The following CDK8 variants were observed in gnomAD, a reference collection of about 807,000 sequenced individuals.
CDK8 encodes cyclin-dependent kinase 8.
CDK8 carries 29 observed loss-of-function variants against 71.5 expected under a neutral mutation model. The observed-to-expected ratio is 0.41, with a 90% CI of 0.30 to 0.55. The LOEUF is 0.55. Ranked by LOEUF, CDK8 falls within the 20% of genes least tolerant of loss-of-function variation. The probability of loss-of-function intolerance (pLI) is 0.37; values close to 1 mark genes in which losing one functional copy is unlikely to be tolerated. For missense variants in CDK8, 288 were observed against 572.6 expected, an observed-to-expected ratio of 0.50 and a Z score of 5.07; for synonymous variants, 161 against 192.1, an observed-to-expected ratio of 0.84 and a Z score of 1.34.
intron 4 of CDK8, among the ~76,000 whole-genome samples, chr13:26,367,439 A>G (rs1017743289): frequency 2.0e-5 from 3 of 152,062 alleles, no homozygotes; most frequent in Non-Finnish European, 4.4e-5. Flanking sequence ...CCCCTGTTAT[A>G]GTGGACCTGA....
At chr13:26,383,726 A>G (rs1470566616) in intron 5 of CDK8, among the ~76,000 whole-genome samples, 1 of 152,190 alleles carries the variant, frequency 6.6e-6, no homozygotes, top group East Asian at 1.9e-4. Flanking sequence ...CTTAATCCTA[A>G]TATTCTTCCT....
chr13:26,401,327 C>T lies in CDK8; in HGVS notation c.1090C>T (p.Pro364Ser). Reference sequence around the variant, plus strand: ...ACGAGAATTTTTAACGGAAGAAGAACCTGATGACAAAGGAGACAAAGTAAG... The same window carrying T: ...ACGAGAATTTTTAACGGAAGAAGAATCTGATGACAAAGGAGACAAAGTAAG... ...PKREFLTEEE[P>S]DDKGDKKNQQ... The change falls in exon 11 of 13, where the codon CCT becomes TCT. Residue 364 changes from proline (P) to serine (S), a missense_variant. Pro to Ser is a moderately conservative substitution (Grantham distance 74, BLOSUM62 -1). This residue lies in a region of CDK8 where 96 missense variants were observed against 229.8 expected (regional missense o/e 0.42). Transcript: ENST00000381527. This position sits in a 1 kb window ranked among gnomAD's most constrained non-coding sequence, Gnocchi z 4.5. 6.2e-7 allele frequency: 1 copy of T among 1,614,054 alleles called. No homozygotes were observed. Among genetic ancestry groups the T allele is most frequent in the Non-Finnish European group, 8.5e-7 (1 of 1,179,946 alleles).
rs793111 is a variant in CDK8 at position 26,293,329 on chromosome 13, A to G, written c.128+38560A>G. 4.0e-3 allele frequency among the ~76,000 whole-genome samples: 611 copies of G among 152,164 alleles called. 5 individuals are homozygous for G. The highest frequency in any genetic ancestry group is 0.013 in the African/African-American group (560 of 41,486). On this transcript the variant is annotated intron_variant, in intron 1 of 12. Transcript: ENST00000381527. ...TAAAAATTGTGTATATTGGCTGGGC[A>G]TGGTGGCTCACGCCTGTAATCGGAG...
At chr13:26,304,379 A>T (rs1052127449) in intron 1 of CDK8, among the ~76,000 whole-genome samples, 6 of 152,014 alleles carry the variant, frequency 3.9e-5, no homozygotes, top group African/African-American at 1.4e-4. Context: ...CTAGTATTTC[A>T]TTTAAATCTT....
At chr13:26,298,830 TTGAC>T (rs1429427369) in intron 1 of CDK8, among the ~76,000 whole-genome samples, 1 of 152,200 alleles carries the variant, frequency 6.6e-6, no homozygotes, top group African/African-American at 2.4e-5. Context: ...GTTAATAGAC[TTGAC>T]TGACCAATTT....
intron 2 of CDK8, among the ~76,000 whole-genome samples, chr13:26,341,704 TATTA>T (rs1278802905): frequency 6.6e-6 from 1 of 152,224 alleles, no homozygotes; most frequent in Non-Finnish European, 1.5e-5. Context: ...CAGTTTGAAG[TATTA>T]ATTTATTTTT....
intron 4 of CDK8, among the ~76,000 whole-genome samples, chr13:26,370,377 T>C (rs1057168281): frequency 2.0e-5 from 3 of 152,284 alleles, no homozygotes; most frequent in South Asian, 2.1e-4. Context: ...ATCTTATTAA[T>C]AGTGCAGAGT....
At chr13:26,366,785 G>A (rs1874408203) in intron 4 of CDK8, among the ~76,000 whole-genome samples, 1 of 152,158 alleles carries the variant, frequency 6.6e-6, no homozygotes. Flanking sequence ...AAACATAGAA[G>A]TTGGGAAGAT....
chr13:26,294,003 T>C (rs561366744), intron 1 of CDK8, among the ~76,000 whole-genome samples: 1 of 152,222 alleles, frequency 6.6e-6, no homozygotes, highest in African/African-American at 2.4e-5. Context: ...ATTCTACATA[T>C]AAGTGAGATC....
chr13:26,275,062 G>A (rs542596048), intron 1 of CDK8, among the ~76,000 whole-genome samples: 6 of 151,992 alleles, frequency 3.9e-5, no homozygotes, highest in East Asian at 1.9e-4. Flanking sequence ...CAATTGATTC[G>A]AAATGCTGCT....
intron 4 of CDK8, among the ~76,000 whole-genome samples, chr13:26,355,535 A>G (rs1873857719): frequency 6.6e-6 from 1 of 152,150 alleles, no homozygotes; most frequent in African/African-American, 2.4e-5. Flanking sequence ...AATTACTTGA[A>G]CGCAGGAAGC....
At chr13:26,341,724 A>T (rs1413936811) in intron 2 of CDK8, among the ~76,000 whole-genome samples, 1 of 152,086 alleles carries the variant, frequency 6.6e-6, no homozygotes, top group East Asian at 1.9e-4. Flanking sequence ...TTTTTTATAT[A>T]TTTGTACTAT....
At chr13:26,289,460 T>TA (rs1873194263) in intron 1 of CDK8, among the ~76,000 whole-genome samples, 1 of 152,236 alleles carries the variant, frequency 6.6e-6, no homozygotes. Context: ...TATTGTTTGT[T>TA]ACTTTAATTT....
At chr13:26,355,386 C>A (rs1203931750) in intron 4 of CDK8, among the ~76,000 whole-genome samples, 2 of 152,128 alleles carry the variant, frequency 1.3e-5, no homozygotes, top group African/African-American at 4.8e-5. Flanking sequence ...GAGGCCAAGG[C>A]GGGTGGATCA....
chr13:26,276,741 T>C (rs1397987378), intron 1 of CDK8, among the ~76,000 whole-genome samples: 3 of 152,188 alleles, frequency 2.0e-5, no homozygotes, highest in African/African-American at 7.2e-5. Context: ...ATCATGTTTG[T>C]TTTTCTGCCA....
intron 2 of CDK8, among the ~76,000 whole-genome samples, chr13:26,343,295 C>T (rs561397748): frequency 6.6e-6 from 1 of 151,996 alleles, no homozygotes; most frequent in East Asian, 1.9e-4. Flanking sequence ...GTTGCTATAC[C>T]GAATACTATA....
chr13:26,378,650 A>C (rs1181105678), intron 4 of CDK8, among the ~76,000 whole-genome samples: 2 of 152,234 alleles, frequency 1.3e-5, no homozygotes, highest in African/African-American at 4.8e-5. Flanking sequence ...ATGGCAACAA[A>C]TACAGTTTAA....
intron 1 of CDK8, among the ~76,000 whole-genome samples, chr13:26,306,622 CTTTTTTTT>C (rs554661537): frequency 1.6e-5 from 2 of 126,730 alleles, no homozygotes; most frequent in Non-Finnish European, 3.4e-5. Flanking sequence ...CCTTATTGCT[CTTTTTTTT>C]TTTTTTTTTT....
chr13:26,300,819 G>T (rs60806634), intron 1 of CDK8, among the ~76,000 whole-genome samples: 1 of 152,104 alleles, frequency 6.6e-6, no homozygotes, highest in East Asian at 1.9e-4. Context: ...GCTCTAAAAA[G>T]ACATTAAATT....
Sources: gnomAD v4.1 joint callset for allele counts (sites outside exome capture counted in the v4.1 genomes callset) on GRCh38, gnomAD v4.1.1 for gene constraint, gnomAD v4.1.1 regional missense constraint, Gnocchi (gnomAD v3.1) non-coding constraint, MANE v1.5 for transcripts, NCBI Gene and HGNC (gene_info 2026-07-23, HGNC 2026-07-21) for gene names.